The following GSE1 variants were observed in gnomAD, a reference collection of about 807,000 sequenced individuals.
The protein encoded by GSE1 is Gse1 coiled-coil protein, also known as genetic suppressor element 1.
In GSE1, 32 loss-of-function variants were observed where a neutral mutation model predicts 112.6. The observed-to-expected ratio is 0.28, with a 90% CI of 0.21 to 0.38. The LOEUF (loss-of-function observed/expected upper bound fraction) is 0.38, where lower values mean the gene tolerates loss of function less well. GSE1 is among the 10% of genes least tolerant of loss of function. The probability of loss-of-function intolerance (pLI) is 1.00; values close to 1 mark genes in which losing one functional copy is unlikely to be tolerated. For synonymous variants in GSE1, 1,115 were observed against 735.6 expected (o/e 1.52, Z -8.35); for missense variants, 2,348 against 1,699.2 (o/e 1.38, Z -6.71).
intron 1 of GSE1, among the ~76,000 whole-genome samples, chr16:85,258,347 C>T (rs950659893): frequency 1.3e-5 from 2 of 152,218 alleles, no homozygotes; most frequent in Non-Finnish European, 2.9e-5. Context: ...GTCCTGGCTC[C>T]GCACCCCTGG....
intron 1 of GSE1, among the ~76,000 whole-genome samples, chr16:85,222,619 T>A (rs986397898): frequency 6.6e-6 from 1 of 152,164 alleles, no homozygotes; most frequent in Non-Finnish European, 1.5e-5. Context: ...ATCAAACAAA[T>A]TTGGAAATCG....
chr16:85,445,159 G>A (rs980391048), intron 2 of GSE1, among the ~76,000 whole-genome samples: 1 of 152,224 alleles, frequency 6.6e-6, no homozygotes, highest in Non-Finnish European at 1.5e-5. Flanking sequence ...CTGAGACTGG[G>A]CATCGGGGTG....
intron 3 of GSE1, among the ~76,000 whole-genome samples, chr16:85,652,555 G>GGCA (rs1407237489): frequency 1.3e-5 from 2 of 152,016 alleles, no homozygotes; most frequent in East Asian, 3.9e-4. Context: ...AGGCGGCGGC[G>GGCA]GCGGCGGCGG....
In GSE1 at chr16:85,655,764, C is replaced by A. The variant is rs1246208124; in HGVS notation, c.836C>A (p.Pro279Gln). 6.2e-7 allele frequency: 1 copy of A among 1,609,516 alleles called. No individual in the cohort carries two copies. Among genetic ancestry groups the A allele is most frequent in the Admixed American group, 1.7e-5 (1 of 59,770 alleles). ...DSYCLSALRS[P>Q]FYPIPTPGSL... ...TACTGCCTGTCTGCCCTGAGGTCCC[C>A]GTTCTACCCCATCCCCACCCCCGGC... The change falls in exon 6 of 16, where the codon CCG (proline) becomes CAG (glutamine). Residue 279 changes from proline (P) to glutamine (Q), a missense_variant. Transcript: ENST00000253458.
chr16:85,525,833 A>G (rs781647756), intron 2 of GSE1, among the ~76,000 whole-genome samples: 5 of 152,188 alleles, frequency 3.3e-5, no homozygotes, highest in African/African-American at 4.8e-5. Flanking sequence ...AGGGGTAGTA[A>G]TAGGACCTGC....
intron 1 of GSE1, among the ~76,000 whole-genome samples, chr16:85,234,882 A>C (rs1904431897): frequency 6.6e-6 from 1 of 152,104 alleles, no homozygotes; most frequent in Admixed American, 6.5e-5. Flanking sequence ...CTCAGTTTAC[A>C]CCAAAGAAAC....
At chr16:85,169,564 C>T (rs1318577529) in exon 1 of GSE1, 7 of 978,576 alleles carry the variant, frequency 7.2e-6, no homozygotes, top group Non-Finnish European at 8.5e-6. Context: ...CAAGCAGCGG[C>T]TCATGGCAGC....
intron 2 of GSE1, among the ~76,000 whole-genome samples, chr16:85,452,394 C>A (rs1042233025): frequency 6.6e-6 from 1 of 152,212 alleles, no homozygotes; most frequent in African/African-American, 2.4e-5. Context: ...CTCTGTCTGG[C>A]AGCTCAGGGC....
At chr16:85,666,420 C>G in intron 13 of GSE1, 73 bp downstream of exon 13, 2 of 1,490,840 alleles carry the variant, frequency 1.3e-6, no homozygotes, top group East Asian at 2.3e-5. Context: ...AGCGCCACAG[C>G]TGCTCAGCCG....
chr16:85,541,624 A>T (rs1259250600), intron 2 of GSE1, among the ~76,000 whole-genome samples: 3 of 152,200 alleles, frequency 2.0e-5, no homozygotes, highest in Non-Finnish European at 4.4e-5. Flanking sequence ...TGTGCCTGGG[A>T]TCAGAGTGGG....
intron 2 of GSE1, among the ~76,000 whole-genome samples, chr16:85,508,208 G>A (rs1396386506): frequency 2.0e-5 from 3 of 152,006 alleles, no homozygotes; most frequent in Non-Finnish European, 4.4e-5. Context: ...TAATTTTTGT[G>A]TTTTTAGTAG....
Position 85,319,340 on chromosome 16 carries a change from G to A in GSE1, c.2284-38123G>A, listed in dbSNP as rs114150041. Among the ~76,000 whole-genome samples, 965 of 152,278 alleles carry A rather than the reference G, an allele frequency of 6.3e-3. 14 individuals are homozygous for A. The highest frequency in any genetic ancestry group is 0.022 in the African/African-American group (907 of 41,562). ...GAGTCCTAATGGAAGCCTCTGGATC[G>A]AGTCCCGTCGTAACCAGGCTGCAGT... On this transcript the variant is annotated intron_variant, in intron 1 of 2. Coordinates refer to the GSE1 transcript ENST00000637419.
Position 85,671,065 on chromosome 16 carries a change from C to G in GSE1, c.3486C>G (p.Ser1162Arg), listed in dbSNP as rs751172054. The change falls in exon 15 of 16, where the codon AGC becomes AGG. Residue 1162 changes from serine to arginine, a missense_variant. Coordinates refer to ENST00000253458, the MANE Select transcript of GSE1 (RefSeq NM_014615.5). The part of the protein sequence containing the change: ...RRLEARHYSL[S>R]LTAEQLSHSV... ...TGGAGGCCCGGCACTACAGCCTCAGCCTGACGGCAGAGCAGCTCTCCCACA... is the reference window on the plus strand; with the variant it reads ...TGGAGGCCCGGCACTACAGCCTCAGGCTGACGGCAGAGCAGCTCTCCCACA... 1.2e-6 allele frequency: 2 copies of G among 1,610,186 alleles called. No homozygotes were observed. The highest frequency in any genetic ancestry group is 2.2e-5 in the East Asian group (1 of 44,864).
At chr16:85,402,751 G>A (rs1166251282) in intron 2 of GSE1, among the ~76,000 whole-genome samples, 1 of 152,052 alleles carries the variant, frequency 6.6e-6, no homozygotes, top group Non-Finnish European at 1.5e-5. Context: ...GTGAAACCCT[G>A]TCTCTACAAA....
chr16:85,635,399 T>C (rs1022755720), intron 2 of GSE1, among the ~76,000 whole-genome samples: 1 of 152,132 alleles, frequency 6.6e-6, no homozygotes, highest in Non-Finnish European at 1.5e-5. Context: ...TGGCCACACC[T>C]GAGCGGGCCA....
chr16:85,575,053 CG>C (rs2046171254), intron 1 of GSE1, among the ~76,000 whole-genome samples: 1 of 152,058 alleles, frequency 6.6e-6, no homozygotes, highest in African/African-American at 2.4e-5. Context: ...CCCTCTCCCC[CG>C]CCCCCCGGCT....
rs941593950 is a variant in GSE1, at chr16:85,520,947, A to G, written c.2465-112967A>G. Among the ~76,000 whole-genome samples the G allele has an allele frequency of 2.0e-4, 31 of 152,146 alleles. No homozygotes were observed. In the East Asian group the frequency reaches 2.9e-3, roughly 14 times the overall value. ...TGACAGCTGGCCAGCACTGCCCTGG[A>G]TGGAGGTGGCTTGGCAGACAGACCG... is the stretch of plus-strand genomic sequence containing the variant. On this transcript the variant is annotated intron_variant, in intron 2 of 2. Coordinates refer to the GSE1 transcript ENST00000637419.
At chr16:85,365,366 C>A (rs1220375143) in intron 2 of GSE1, among the ~76,000 whole-genome samples, 1 of 152,244 alleles carries the variant, frequency 6.6e-6, no homozygotes, top group Non-Finnish European at 1.5e-5. Flanking sequence ...TCCTTCACTC[C>A]TGCACTCCGC....
intron 2 of GSE1, among the ~76,000 whole-genome samples, chr16:85,469,805 T>G (rs2050230439): frequency 6.6e-6 from 1 of 152,164 alleles, no homozygotes. Flanking sequence ...AATCCAGCCT[T>G]TTCCCCAGCA....
Sources: allele counts gnomAD v4.1 joint callset (sites outside exome capture counted in the v4.1 genomes callset), GRCh38; gene constraint gnomAD v4.1.1; transcripts MANE v1.5; gene names NCBI Gene and HGNC (gene_info 2026-07-23, HGNC 2026-07-21).